The following SLAMF9 variants were observed in gnomAD, a reference collection of about 807,000 sequenced individuals.
SLAMF9 encodes SLAM family member 9.
In SLAMF9, 25 loss-of-function variants were observed where a neutral mutation model predicts 30.4. The ratio of observed to expected loss-of-function variants is 0.82; its 90% CI spans 0.60 to 1.15. The LOEUF (loss-of-function observed/expected upper bound fraction) is 1.15, where lower values mean the gene tolerates loss of function less well. Ranked by LOEUF, SLAMF9 falls within the 50% of genes most tolerant of loss-of-function variation. SLAMF9 has a pLI of 0.00. For synonymous variants in SLAMF9, 129 were observed against 127.2 expected (o/e 1.01, Z -0.09); for missense variants, 344 against 346.1 (o/e 0.99, Z 0.05).
the SLAMF9 span, among the ~76,000 whole-genome samples, chr1:159,974,728 C>T: frequency 1.3e-5 from 2 of 152,230 alleles, no homozygotes; most frequent in Non-Finnish European, 2.9e-5. Flanking sequence ...GGACAAGGGT[C>T]TCTCCCCAGG....
chr1:159,974,013 A>G, the SLAMF9 span: 3 of 1,608,750 alleles, frequency 1.9e-6, no homozygotes, highest in Non-Finnish European at 2.6e-6. Context: ...TCACAGAGTC[A>G]GGGCATCTCC....
the SLAMF9 span, among the ~76,000 whole-genome samples, chr1:159,977,837 T>C: frequency 1.3e-5 from 2 of 152,096 alleles, no homozygotes; most frequent in African/African-American, 4.8e-5. Flanking sequence ...GAATGGGACA[T>C]GAACATAGGC....
the SLAMF9 span, chr1:159,976,912 A>AAACG: frequency 1.7e-5 from 1 of 59,500 alleles, no homozygotes; most frequent in Non-Finnish European, 3.3e-5. Flanking sequence ...AGGAAAGAAA[A>AAACG]AAAGAAAGAA....
At chr1:159,972,872 T>G in the SLAMF9 span, 1 of 989,380 alleles carries the variant, frequency 1.0e-6, no homozygotes, top group South Asian at 3.4e-5. Context: ...AGGCTCAGCC[T>G]GACCACCCAA....
upstream of SLAMF9, among the ~76,000 whole-genome samples, chr1:159,955,073 G>C (rs543236411): frequency 1.4e-5 from 2 of 141,570 alleles, no homozygotes; most frequent in Non-Finnish European, 3.0e-5. Flanking sequence ...GCAAGACTCT[G>C]TCTCAAAGCA....
the SLAMF9 span, among the ~76,000 whole-genome samples, chr1:159,963,659 C>T: frequency 3.3e-5 from 5 of 152,176 alleles, no homozygotes; most frequent in African/African-American, 7.2e-5. Flanking sequence ...AAAATGGACT[C>T]GGCTCATGTT....
chr1:159,977,810 A>G, the SLAMF9 span, among the ~76,000 whole-genome samples: 1 of 152,164 alleles, frequency 6.6e-6, no homozygotes, highest in Non-Finnish European at 1.5e-5. Flanking sequence ...GACATTTCCA[A>G]ACAGCCCAGG....
At chr1:159,973,835 G>C in the SLAMF9 span, 13 of 1,613,600 alleles carry the variant, frequency 8.1e-6, no homozygotes, top group East Asian at 2.2e-5. Flanking sequence ...AAGTTTGTGT[G>C]AATGTCTGTG....
In SLAMF9 at chr1:159,952,545, G is replaced by A; in HGVS notation, c.392-11C>T. On this transcript the variant is annotated splice_polypyrimidine_tract_variant and intron_variant, in intron 2 of 3. Coordinates refer to ENST00000368093, the MANE Select transcript of SLAMF9 (RefSeq NM_033438.4). ...GCTCTGACAGCCATCCTGGATGAAG[G>A]GGAAACACAAAGACCCTCTAAACAA... 6.2e-7 allele frequency: 1 copy of A among 1,612,470 alleles called. No homozygotes were observed. Among genetic ancestry groups the A allele is most frequent in the African/African-American group, 1.3e-5 (1 of 74,998 alleles).
the SLAMF9 span, among the ~76,000 whole-genome samples, chr1:159,980,938 G>A: frequency 3.9e-5 from 6 of 152,316 alleles, no homozygotes; most frequent in South Asian, 1.0e-3. Context: ...TGCGTCACAC[G>A]CAGAAGCAGA....
chr1:159,961,697 C>T, the SLAMF9 span, among the ~76,000 whole-genome samples: 5 of 152,084 alleles, frequency 3.3e-5, no homozygotes, highest in East Asian at 7.7e-4. Context: ...TGTGCAGGAT[C>T]CTTGGGGTGG....
chr1:159,973,693 G>A, the SLAMF9 span: 4 of 1,060,034 alleles, frequency 3.8e-6, no homozygotes, highest in Admixed American at 5.9e-5. Flanking sequence ...CCCAGCATGA[G>A]GGGCAGCCAG....
At chr1:159,975,018 G>A in the SLAMF9 span, among the ~76,000 whole-genome samples, 2 of 152,152 alleles carry the variant, frequency 1.3e-5, no homozygotes, top group South Asian at 4.1e-4. Flanking sequence ...GAGCACTTGG[G>A]TTTCCAAGTG....
the SLAMF9 span, among the ~76,000 whole-genome samples, chr1:159,976,386 ACCT>A: frequency 6.6e-6 from 1 of 152,090 alleles, no homozygotes; most frequent in African/African-American, 2.4e-5. Context: ...TGTACAGTGC[ACCT>A]CCATTTGTAT....
At chr1:159,970,673 C>T in the SLAMF9 span, among the ~76,000 whole-genome samples, 1 of 152,146 alleles carries the variant, frequency 6.6e-6, no homozygotes, top group Non-Finnish European at 1.5e-5. Context: ...TTTTATCTTG[C>T]GACAGTGTGT....
the SLAMF9 span, chr1:159,978,926 AC>A: frequency 6.6e-6 from 1 of 152,194 alleles, no homozygotes; most frequent in Non-Finnish European, 1.5e-5. Flanking sequence ...TTTCCCCCAC[AC>A]TGGCCCCAGA....
chr1:159,954,539 C>G (rs1475665817), upstream of SLAMF9, among the ~76,000 whole-genome samples: 1 of 152,184 alleles, frequency 6.6e-6, no homozygotes, highest in African/African-American at 2.4e-5. Flanking sequence ...TTCCCTAGCT[C>G]TCTCTGGGTA....
chr1:159,973,847 A>C, the SLAMF9 span: 1 of 1,613,668 alleles, frequency 6.2e-7, no homozygotes, highest in Non-Finnish European at 8.5e-7. Flanking sequence ...ATGTCTGTGG[A>C]ATATACATCA....
At chr1:159,954,241 G>A, upstream of SLAMF9, 5 of 1,345,930 alleles carry the variant, frequency 3.7e-6, no homozygotes, top group South Asian at 6.3e-5. Context: ...CCTGACTGAT[G>A]GTCCTGAGAA....
Sources: gnomAD v4.1 joint callset for allele counts (sites outside exome capture counted in the v4.1 genomes callset) on GRCh38, gnomAD v4.1.1 for gene constraint, MANE v1.5 for transcripts, NCBI Gene and HGNC (gene_info 2026-07-23, HGNC 2026-07-21) for gene names.